The following NRG1 variants were observed in gnomAD, a reference collection of about 807,000 sequenced individuals.
NRG1 encodes pro-neuregulin-1, membrane-bound isoform.
In NRG1, 18 loss-of-function variants were observed where a neutral mutation model predicts 63.8. That is an observed-to-expected ratio of 0.28 (90% CI 0.19 to 0.42). NRG1 has a LOEUF of 0.42. NRG1 is among the 10% of genes least tolerant of loss of function. The pLI is 1.00. For missense variants in NRG1, 762 were observed against 814.7 expected, an observed-to-expected ratio of 0.94 and a Z score of 0.79; for synonymous variants, 302 against 301.3, an observed-to-expected ratio of 1.00 and a Z score of -0.02.
chr8:32,704,939 A>G (rs1267256053), intron 5 of NRG1, among the ~76,000 whole-genome samples: 6 of 152,200 alleles, frequency 3.9e-5, no homozygotes, highest in Admixed American at 3.3e-4. Flanking sequence ...ATTTGTGATC[A>G]TTGACGTGCT....
intron 1 of NRG1, among the ~76,000 whole-genome samples, chr8:32,367,984 T>C (rs1186366908): frequency 2.0e-5 from 3 of 152,194 alleles, no homozygotes; most frequent in Non-Finnish European, 4.4e-5. Flanking sequence ...CAGCTGTAAA[T>C]ACATGCATTT....
chr8:32,743,158 T>G, intron 7 of NRG1: 2 of 988,550 alleles, frequency 2.0e-6, no homozygotes, highest in Non-Finnish European at 2.4e-6. Flanking sequence ...CGATATGCAC[T>G]TGAAATGATG....
chr8:31,872,262 C>T (rs907349950), intron 1 of NRG1, among the ~76,000 whole-genome samples: 1 of 152,134 alleles, frequency 6.6e-6, no homozygotes, highest in African/African-American at 2.4e-5. Context: ...CATTTTCCCT[C>T]TTTAAGAGGG....
At chr8:32,655,789 G>A (rs1801353774) in intron 5 of NRG1, among the ~76,000 whole-genome samples, 1 of 152,226 alleles carries the variant, frequency 6.6e-6, no homozygotes. Context: ...AAAGCGATAA[G>A]GAGTTACTTT....
At chr8:31,742,700 A>G (rs1266875871) in intron 1 of NRG1, among the ~76,000 whole-genome samples, 7 of 151,938 alleles carry the variant, frequency 4.6e-5, no homozygotes, top group South Asian at 2.1e-4. Context: ...GAGATTACCT[A>G]TAAGTAGCAG....
chr8:31,815,333 A>G (rs1823332307), intron 1 of NRG1, among the ~76,000 whole-genome samples: 1 of 152,176 alleles, frequency 6.6e-6, no homozygotes, highest in Admixed American at 6.5e-5. Context: ...TATAAGCGGT[A>G]TCATGCAGTG....
At chr8:32,276,983 A>C (rs1480544081) in intron 1 of NRG1, among the ~76,000 whole-genome samples, 3 of 152,226 alleles carry the variant, frequency 2.0e-5, no homozygotes, top group African/African-American at 7.2e-5. Flanking sequence ...GTGGCCTTGC[A>C]GAAGCCTGCA....
At chr8:32,080,399 A>C (rs1827264790) in intron 1 of NRG1, among the ~76,000 whole-genome samples, 1 of 152,210 alleles carries the variant, frequency 6.6e-6, no homozygotes, top group Admixed American at 6.5e-5. Context: ...TGCCACAGTC[A>C]TGTCCCTTAA....
At chr8:32,185,481 A>G (rs1427097599) in intron 1 of NRG1, among the ~76,000 whole-genome samples, 1 of 152,194 alleles carries the variant, frequency 6.6e-6, no homozygotes, top group Non-Finnish European at 1.5e-5. Flanking sequence ...AGCTAAACTG[A>G]GAATAAGGTT....
intron 1 of NRG1, among the ~76,000 whole-genome samples, chr8:31,829,498 T>C (rs1444419128): frequency 6.6e-6 from 1 of 152,182 alleles, no homozygotes; most frequent in Non-Finnish European, 1.5e-5. Context: ...TATACTTGGG[T>C]AAAATTTTGA....
intron 1 of NRG1, among the ~76,000 whole-genome samples, chr8:32,252,670 C>A (rs1849251910): frequency 1.3e-5 from 2 of 152,170 alleles, no homozygotes; most frequent in South Asian, 4.1e-4. Context: ...ATTGTCTTGG[C>A]TATACAGGCT....
intron 1 of NRG1, among the ~76,000 whole-genome samples, chr8:32,071,975 G>T (rs1257697262): frequency 2.0e-5 from 3 of 152,082 alleles, no homozygotes; most frequent in Non-Finnish European, 4.4e-5. Context: ...TTAATATAAG[G>T]TTCTTTAAGG....
chr8:32,113,986 C>A (rs902474769), intron 1 of NRG1, among the ~76,000 whole-genome samples: 4 of 152,174 alleles, frequency 2.6e-5, no homozygotes, highest in Non-Finnish European at 4.4e-5. Context: ...TTGTTGCCAT[C>A]CAAGACCATG....
At chr8:32,748,828 C>T (rs981358060) in intron 7 of NRG1, 3 of 354,384 alleles carry the variant, frequency 8.5e-6, no homozygotes, top group Admixed American at 3.7e-5. Context: ...CCATACAGAA[C>T]TTATATGAGA....
chr8:31,850,796 C>A (rs1405848868), intron 1 of NRG1, among the ~76,000 whole-genome samples: 1 of 152,196 alleles, frequency 6.6e-6, no homozygotes, highest in African/African-American at 2.4e-5. Flanking sequence ...TCTCTCACCA[C>A]CCGTTTGCTT....
chr8:32,255,621 C>G (rs897596006), intron 1 of NRG1, among the ~76,000 whole-genome samples: 1 of 152,212 alleles, frequency 6.6e-6, no homozygotes, highest in Non-Finnish European at 1.5e-5. Flanking sequence ...CTTGACCTTT[C>G]TCTCTGGCTG....
At chr8:31,828,237 A>G (rs1824764374) in intron 1 of NRG1, among the ~76,000 whole-genome samples, 2 of 152,206 alleles carry the variant, frequency 1.3e-5, no homozygotes, top group Admixed American at 6.5e-5. Context: ...TGTAGAATTT[A>G]CATTACAAAA....
At chr8:32,547,922 G>A (rs891577729), upstream of NRG1, among the ~76,000 whole-genome samples, 3 of 152,262 alleles carry the variant, frequency 2.0e-5, no homozygotes, top group Non-Finnish European at 4.4e-5. Flanking sequence ...CCTTTTCCGC[G>A]TGGAATGGGA....
chr8:32,547,699 T>C (rs1218675121), upstream of NRG1, among the ~76,000 whole-genome samples: 1 of 152,070 alleles, frequency 6.6e-6, no homozygotes, highest in Non-Finnish European at 1.5e-5. Context: ...CCTGTGCACC[T>C]GGAAGGAAGC....
Sources: allele counts gnomAD v4.1 joint callset (sites outside exome capture counted in the v4.1 genomes callset), GRCh38; gene constraint gnomAD v4.1.1; transcripts MANE v1.5; gene names NCBI Gene and HGNC (gene_info 2026-07-23, HGNC 2026-07-21).